Variants in ISOC2 observed in about 807,000 individuals in gnomAD.
ISOC2 encodes the protein isochorismatase domain-containing protein 2.
Under a neutral mutation model 19.3 loss-of-function variants are expected in ISOC2, and 15 were observed. The ratio of observed to expected loss-of-function variants is 0.78; its 90% CI spans 0.52 to 1.20. The LOEUF (loss-of-function observed/expected upper bound fraction) is 1.20. Ranked by LOEUF, ISOC2 falls within the 50% of genes most tolerant of loss-of-function variation. ISOC2 has a pLI of 0.00. For missense variants in ISOC2, 285 were observed against 272.4 expected, an observed-to-expected ratio of 1.05 and a Z score of -0.33; for synonymous variants, 106 against 115.8, an observed-to-expected ratio of 0.92 and a Z score of 0.54.
At chr19:55,457,142 G>A (rs1042778543) in intron 1 of ISOC2, 1 of 153,544 alleles carries the variant, frequency 6.5e-6, no homozygotes, top group African/African-American at 2.4e-5. Context: ...AGGAAAGAAG[G>A]GGGACCCTGC....
intron 5 of ISOC2, 25 bp from the exon 6 acceptor site, chr19:55,453,413 C>T: frequency 6.5e-7 from 1 of 1,548,320 alleles, no homozygotes; most frequent in Non-Finnish European, 8.8e-7. Context: ...GGCGATGGGT[C>T]AGGAAGCGTC....
rs1243736757 is a variant in ISOC2, at chr19:55,455,776, G to A, written c.208C>T (p.Pro70Ser). 4.4e-6 allele frequency: 7 copies of A among 1,573,034 alleles called. No individual in the cohort carries two copies. Among genetic ancestry groups the A allele is most frequent in the East Asian group, 4.6e-5 (2 of 43,190 alleles). The change falls in exon 3 of 6, where the codon CCC (proline) becomes TCC (serine). Residue 70 changes from proline to serine, a missense_variant. Transcript: ENST00000425675. Reference protein sequence around the residue: ...QYPQGLGPTVPELGTEGLRPL... With the variant: ...QYPQGLGPTVSELGTEGLRPL... Reference sequence around the variant, plus strand: ...CGAAGGCCCTCAGTCCCCAGCTCGGGCACCGTGGGGCCCAGGCCTTGTGGG... The same window carrying A: ...CGAAGGCCCTCAGTCCCCAGCTCGGACACCGTGGGGCCCAGGCCTTGTGGG...
At chr19:55,460,478 C>G (rs1375947283) in intron 1 of ISOC2, among the ~76,000 whole-genome samples, 1 of 152,106 alleles carries the variant, frequency 6.6e-6, no homozygotes, top group Non-Finnish European at 1.5e-5. Context: ...GAATTCTGGA[C>G]AATGTGCAAC....
chr19:55,459,721 A>T (rs1986175806), intron 1 of ISOC2: 1 of 151,350 alleles, frequency 6.6e-6, no homozygotes. Flanking sequence ...TCTCACGGCC[A>T]CTCATGTGCT....
chr19:55,453,350 T>C lies in ISOC2; in HGVS notation c.576A>G (p.Gly192=). 1 of 1,608,202 alleles carries C rather than the reference T, an allele frequency of 6.2e-7. No homozygotes were observed. The highest frequency in any genetic ancestry group is 8.5e-7 in the Non-Finnish European group (1 of 1,177,464). The change falls in exon 6 of 6, where the codon GGA becomes GGG. Residue 192 remains glycine (G), a synonymous_variant. Coordinates refer to ENST00000425675, the MANE Select transcript of ISOC2 (RefSeq NM_001136201.2). ...KLIKEPAPDS[G]LLGLFQGQNS... ...TCTGGCCTTGGAAGAGGCCCAGCAG[T>C]CCGCTGTCTGGGGCGGGCTCCTTGA...
intron 1 of ISOC2, among the ~76,000 whole-genome samples, chr19:55,460,411 C>G (rs1986196336): frequency 6.6e-6 from 1 of 152,234 alleles, no homozygotes; most frequent in Admixed American, 6.5e-5. Context: ...GGCGGGTGAA[C>G]CAGGCACCGG....
chr19:55,456,536 C>T (rs374385732), intron 1 of ISOC2, 47 bp from the exon 2 acceptor site: 8 of 1,600,838 alleles, frequency 5.0e-6, no homozygotes, highest in South Asian at 3.3e-5. Context: ...GGGCTCCTCT[C>T]AGTGTCTCCA....
chr19:55,459,554 T>A (rs534645535), intron 1 of ISOC2, among the ~76,000 whole-genome samples: 73 of 152,246 alleles, frequency 4.8e-4, no homozygotes, highest in Admixed American at 9.8e-4. Flanking sequence ...TGTCTCAAAC[T>A]GTCCCCTGAC....
At chr19:55,454,782 CATT>C in intron 5 of ISOC2, 1 of 590,998 alleles carries the variant, frequency 1.7e-6, no homozygotes, top group Non-Finnish European at 3.0e-6. Flanking sequence ...TTGCCTCCCC[CATT>C]TTATTGTTCT....
intron 1 of ISOC2, among the ~76,000 whole-genome samples, chr19:55,459,184 G>A (rs1254182632): frequency 6.6e-6 from 1 of 151,680 alleles, no homozygotes; most frequent in Admixed American, 6.6e-5. Flanking sequence ...CGAACCTCCC[G>A]CCTCAGCCTT....
rs565085752 is a variant in ISOC2 at position 55,455,811 on chromosome 19, G to A, written c.173C>T (p.Thr58Met). The A allele has an allele frequency of 2.4e-5, 38 of 1,553,162 alleles. No individual in the cohort carries two copies. The highest frequency in any genetic ancestry group is 4.8e-5 in the East Asian group (2 of 41,682). Residue 58 changes from threonine to methionine, a missense_variant, in exon 3 of 6, where the codon ACG (threonine) becomes ATG (methionine). Thr to Met is a moderately conservative substitution (Grantham distance 81). Transcript: ENST00000425675. ...ARLLEVPVML[T>M]EQYPQGLGPT... ...GCCCAGGCCTTGTGGGTACTGCTCC[G>A]TCAGCATGACTGGCACCTCAAGCAG...
chr19:55,461,160 A>C (rs1291902122), intron 1 of ISOC2, among the ~76,000 whole-genome samples: 1 of 145,808 alleles, frequency 6.9e-6, no homozygotes, highest in East Asian at 2.0e-4. Flanking sequence ...GGGCGGCAAC[A>C]GGGGGCGGGG....
chr19:55,456,477 C>T lies in ISOC2; in HGVS notation c.10G>A (p.Ala4Thr). The stretch of plus-strand genomic sequence containing the variant: ...AGGACTCGGCCCAGGCTGGGCCTGG[C>T]AGCCGCCATTTTCTGGGGGTGGGCA... MAA[A>T]RPSLGRVLPG... Residue 4 changes from alanine (A) to threonine (T), a missense_variant, in exon 2 of 6, where the codon GCC becomes ACC. By Grantham distance (58) the Ala-to-Thr change is moderately conservative (BLOSUM62 0). Transcript: ENST00000425675. The T allele has an allele frequency of 6.2e-7, 1 of 1,613,150 alleles. No individual in the cohort carries two copies.
At chr19:55,453,534 T>G (rs898721397) in intron 5 of ISOC2, 146 bp from the exon 6 acceptor site, 3 of 527,008 alleles carry the variant, frequency 5.7e-6, no homozygotes, top group Non-Finnish European at 9.9e-6. Context: ...TCTCAAGACT[T>G]TTCCTGGGGC....
At position 55,455,247 on chromosome 19, in the gene ISOC2, G is replaced by A; in HGVS notation, c.419+13C>T. 1 of 1,604,586 alleles carries A rather than the reference G, an allele frequency of 6.2e-7. No individual in the cohort carries two copies. Among genetic ancestry groups the A allele is most frequent in the Non-Finnish European group, 8.5e-7 (1 of 1,174,756 alleles). On this transcript the variant is annotated intron_variant, in intron 4 of 5. Transcript: ENST00000425675. ...GCCCCCACGTGCACCCACCCAGGCA[G>A]GGGCCCTCTCACCTGCGTGAGGAGC...
At position 55,452,994 on chromosome 19, in the gene ISOC2, A is replaced by C; in HGVS notation, c.*314T>G. The C allele has an allele frequency of 4.6e-6, 1 of 215,306 alleles. No individual in the cohort carries two copies. The highest frequency in any genetic ancestry group is 1.0e-4 in the East Asian group (1 of 9,554). 13.3% of individuals were successfully genotyped at this position (215,306 alleles called of 1,614,324 possible). On this transcript the variant is annotated 3_prime_UTR_variant, in exon 6 of 6. Transcript: ENST00000425675. ...CAAGAATGGTTTGGTCCACAGCCACATATATGTTTATTCTGCGAGTCCGTG... is the reference window on the plus strand; with the variant it reads ...CAAGAATGGTTTGGTCCACAGCCACCTATATGTTTATTCTGCGAGTCCGTG...
chr19:55,456,544 C>G, intron 1 of ISOC2, 55 bp from the exon 2 acceptor site: 1 of 1,594,148 alleles, frequency 6.3e-7, no homozygotes, highest in South Asian at 1.1e-5. Context: ...CTCAGTGTCT[C>G]CAGCTGGCGT....
At chr19:55,454,936 G>C in intron 5 of ISOC2, 53 bp downstream of exon 5, 2 of 1,353,600 alleles carry the variant, frequency 1.5e-6, no homozygotes, top group Admixed American at 3.4e-5. Flanking sequence ...AGAGCCCAAA[G>C]ACAAGACCTT....
rs750957040 is a variant in ISOC2 at position 55,455,121 on chromosome 19, G to C, written c.420-15C>G. 6 of 1,252,192 alleles carry C rather than the reference G, an allele frequency of 4.8e-6. No individual in the cohort carries two copies. The highest frequency in any genetic ancestry group is 1.9e-4 in the Middle Eastern group (1 of 5,218). The allele number at this position is 1,252,192 out of a possible 1,614,324, so 77.6% of individuals were successfully genotyped here. On this transcript the variant is annotated splice_polypyrimidine_tract_variant and intron_variant, in intron 4 of 5. Coordinates refer to ENST00000425675, the MANE Select transcript of ISOC2 (RefSeq NM_001136201.2). ...GGTCCACCTGGCTGTGAGTGGGAGG[G>C]AGGGAGGGAAGGTTGGTGTGGACGC...
Sources: allele counts gnomAD v4.1 joint callset (sites outside exome capture counted in the v4.1 genomes callset), GRCh38; gene constraint gnomAD v4.1.1; transcripts MANE v1.5; gene names NCBI Gene and HGNC (gene_info 2026-07-23, HGNC 2026-07-21).